The following GALNT13 variants were observed in gnomAD, a reference collection of about 807,000 sequenced individuals.
The protein encoded by GALNT13 is polypeptide N-acetylgalactosaminyltransferase 13.
A neutral mutation model predicts 64.2 loss-of-function variants in GALNT13; 28 were observed. The ratio of observed to expected loss-of-function variants is 0.44; its 90% CI spans 0.32 to 0.60. The LOEUF is 0.60. Among genes scored for constraint, GALNT13 ranks in the 20% least tolerant of loss-of-function variants. GALNT13 has a pLI of 0.05. For synonymous variants in GALNT13, 214 were observed against 224.6 expected (o/e 0.95, Z 0.42); for missense variants, 577 against 669.8 (o/e 0.86, Z 1.53).
intron 3 of GALNT13, among the ~76,000 whole-genome samples, chr2:154,133,277 C>T (rs1269806726): frequency 6.6e-6 from 1 of 151,758 alleles, no homozygotes; most frequent in Non-Finnish European, 1.5e-5. Flanking sequence ...TTAAAAGTTA[C>T]TATTGGGGCA....
the GALNT13 span, among the ~76,000 whole-genome samples, chr2:153,443,212 G>C: frequency 1.3e-5 from 2 of 152,200 alleles, no homozygotes; most frequent in East Asian, 3.9e-4. Flanking sequence ...TTTGCGGATT[G>C]CAAACACTGT....
the GALNT13 span, among the ~76,000 whole-genome samples, chr2:153,554,664 G>T: frequency 6.8e-6 from 1 of 146,312 alleles, no homozygotes; most frequent in South Asian, 2.1e-4. Flanking sequence ...ATATGTGTGT[G>T]TGTGTGTGTG....
At chr2:153,534,717 G>A in the GALNT13 span, among the ~76,000 whole-genome samples, 10 of 151,742 alleles carry the variant, frequency 6.6e-5, no homozygotes, top group African/African-American at 2.4e-4. Flanking sequence ...GGTGCTCAGT[G>A]GGGGAGCTTT....
chr2:153,748,527 A>T, the GALNT13 span, among the ~76,000 whole-genome samples: 1 of 152,152 alleles, frequency 6.6e-6, no homozygotes, highest in Admixed American at 6.5e-5. Flanking sequence ...CTGATAATCA[A>T]TGATGAGTAC....
At chr2:153,276,276 T>G in the GALNT13 span, among the ~76,000 whole-genome samples, 3 of 152,120 alleles carry the variant, frequency 2.0e-5, no homozygotes, top group African/African-American at 7.2e-5. Context: ...GTTTATACTT[T>G]CATTTACTAA....
the GALNT13 span, among the ~76,000 whole-genome samples, chr2:153,721,947 C>G: frequency 1.3e-5 from 2 of 149,380 alleles, no homozygotes; most frequent in Non-Finnish European, 3.0e-5. Flanking sequence ...CAGCTCTGCA[C>G]CAAGCGGACC....
At chr2:154,156,591 A>T (rs1335461035) in intron 4 of GALNT13, among the ~76,000 whole-genome samples, 2 of 152,178 alleles carry the variant, frequency 1.3e-5, no homozygotes, top group African/African-American at 2.4e-5. Flanking sequence ...GTATTTGTTT[A>T]TAGATTAGGA....
chr2:153,195,706 C>T, the GALNT13 span, among the ~76,000 whole-genome samples: 9 of 152,346 alleles, frequency 5.9e-5, no homozygotes, highest in Admixed American at 5.2e-4. Context: ...GGACATGTCT[C>T]AGCCCTGTGT....
chr2:153,896,081 A>ATATATATTT (rs1574065409), intron 1 of GALNT13, among the ~76,000 whole-genome samples: 1 of 136,812 alleles, frequency 7.3e-6, no homozygotes, highest in African/African-American at 2.8e-5. Flanking sequence ...ATGATTTTAT[A>ATATATATTT]TTTTTATGTT....
At chr2:154,408,289 C>T (rs948304857) in intron 10 of GALNT13, among the ~76,000 whole-genome samples, 20 of 151,974 alleles carry the variant, frequency 1.3e-4, no homozygotes, top group Non-Finnish European at 1.5e-5. Context: ...AATTATGGGA[C>T]TAATGCCATG....
the GALNT13 span, among the ~76,000 whole-genome samples, chr2:153,396,185 G>T: frequency 6.6e-6 from 1 of 152,052 alleles, no homozygotes; most frequent in African/African-American, 2.4e-5. Context: ...AGATAAAATT[G>T]ATTGGCTTAA....
chr2:154,121,055 T>A (rs1379648866), intron 3 of GALNT13, among the ~76,000 whole-genome samples: 1 of 152,186 alleles, frequency 6.6e-6, no homozygotes, highest in African/African-American at 2.4e-5. Context: ...GTAGAAACTG[T>A]GGGTCAGGAA....
the GALNT13 span, among the ~76,000 whole-genome samples, chr2:153,265,504 A>G: frequency 6.6e-6 from 1 of 152,134 alleles, no homozygotes; most frequent in African/African-American, 2.4e-5. Context: ...CTCTCCTCTA[A>G]GTGCATAGAT....
At chr2:154,258,589 T>G (rs910142989) in intron 7 of GALNT13, among the ~76,000 whole-genome samples, 9 of 152,040 alleles carry the variant, frequency 5.9e-5, no homozygotes, top group African/African-American at 1.9e-4. Flanking sequence ...CTATGGATCT[T>G]TTCATAGTGA....
chr2:153,182,277 C>G, the GALNT13 span, among the ~76,000 whole-genome samples: 1 of 152,116 alleles, frequency 6.6e-6, no homozygotes, highest in Non-Finnish European at 1.5e-5. Flanking sequence ...GTCTCCTGAC[C>G]TTGTGATCCG....
At chr2:154,024,194 A>T (rs1379631002) in intron 3 of GALNT13, among the ~76,000 whole-genome samples, 1 of 151,852 alleles carries the variant, frequency 6.6e-6, no homozygotes, top group Admixed American at 6.6e-5. Flanking sequence ...CTTCTCGAGG[A>T]GTATCTTTGT....
rs190518923 is a variant in GALNT13 at position 154,443,656 on chromosome 2, A to G, written c.1530+4930A>G. Among the ~76,000 whole-genome samples the G allele has an allele frequency of 2.9e-3, 443 of 152,190 alleles. 2 individuals are homozygous for G. Among genetic ancestry groups the G allele is most frequent in the African/African-American group, 9.6e-3 (401 of 41,556 alleles). On this transcript the variant is annotated intron_variant, in intron 12 of 12. Transcript: ENST00000392825. The stretch of plus-strand genomic sequence containing the variant: ...CCAAGGTATGGCCTAATTTTACAAT[A>G]TTAATGGCTCTTATTTTGTCACCAA...
chr2:153,925,752 TC>T lies in GALNT13; in HGVS notation c.-104-18638del, dbSNP rs147688891. Among the ~76,000 whole-genome samples, 413 of 152,266 alleles carry T rather than the reference TC, an allele frequency of 2.7e-3. 9 individuals are homozygous for T. The East Asian group carries it at 0.055, about 20-fold the overall frequency. On this transcript the variant is annotated intron_variant, in intron 2 of 12. Coordinates refer to ENST00000392825, the MANE Select transcript of GALNT13 (RefSeq NM_052917.4). ...ATTTCTTTTAGCAGTGCTTTGTAGT[TC>T]CCCTTGAAGAGGTCCTTTATTTCCC...
chr2:153,371,264 T>C, the GALNT13 span, among the ~76,000 whole-genome samples: 90 of 152,360 alleles, frequency 5.9e-4, no homozygotes, highest in East Asian at 3.1e-3. Context: ...GTTTTCCCTC[T>C]AAGTTCTAGA....
Sources: allele counts gnomAD v4.1 joint callset (sites outside exome capture counted in the v4.1 genomes callset), GRCh38; gene constraint gnomAD v4.1.1; transcripts MANE v1.5; gene names NCBI Gene and HGNC (gene_info 2026-07-23, HGNC 2026-07-21).